The following ZNF503 variants were observed in gnomAD, a reference collection of about 807,000 sequenced individuals.
ZNF503 encodes the protein zinc finger protein 503.
Under a neutral mutation model 34.4 loss-of-function variants are expected in ZNF503, and 15 were observed. The ratio of observed to expected loss-of-function variants is 0.44; its 90% CI spans 0.29 to 0.67. The LOEUF (loss-of-function observed/expected upper bound fraction) is 0.67. ZNF503 is among the 30% of genes least tolerant of loss of function. ZNF503 has a pLI of 0.13. For missense variants in ZNF503, 1,007 were observed against 926.8 expected (o/e 1.09, Z -1.12); for synonymous variants, 580 against 456.8 (o/e 1.27, Z -3.44).
chr10:75,318,011 A>T, the ZNF503 span, among the ~76,000 whole-genome samples: 1 of 152,094 alleles, frequency 6.6e-6, no homozygotes, highest in Non-Finnish European at 1.5e-5. Flanking sequence ...ATACATACAT[A>T]CATACATACA....
chr10:75,354,771 A>G, the ZNF503 span, among the ~76,000 whole-genome samples: 1 of 152,324 alleles, frequency 6.6e-6, no homozygotes, highest in Non-Finnish European at 1.5e-5. Context: ...AGATCGCTGC[A>G]CAGAGAATGC....
the ZNF503 span, among the ~76,000 whole-genome samples, chr10:75,333,085 G>A: frequency 6.8e-6 from 1 of 146,616 alleles, no homozygotes; most frequent in African/African-American, 2.6e-5. Context: ...CCCAGACGGG[G>A]CGGCTGGCCG....
At chr10:75,387,596 C>T in the ZNF503 span, among the ~76,000 whole-genome samples, 5 of 152,188 alleles carry the variant, frequency 3.3e-5, no homozygotes, top group Non-Finnish European at 5.9e-5. Context: ...GCAGGTTTCA[C>T]ACTAGGCCTG....
chr10:75,327,318 C>A, the ZNF503 span, among the ~76,000 whole-genome samples: 1 of 151,756 alleles, frequency 6.6e-6, no homozygotes, highest in Admixed American at 6.6e-5. Context: ...GAAATCAACC[C>A]TTTTAGATTT....
chr10:75,346,579 A>G, the ZNF503 span, among the ~76,000 whole-genome samples: 4 of 151,178 alleles, frequency 2.6e-5, no homozygotes, highest in Non-Finnish European at 4.4e-5. Context: ...AGCTGAGACT[A>G]TAGGCATGTG....
the ZNF503 span, among the ~76,000 whole-genome samples, chr10:75,309,284 G>C: frequency 1.3e-5 from 2 of 152,206 alleles, no homozygotes; most frequent in African/African-American, 4.8e-5. Flanking sequence ...TCAGCAGCAG[G>C]TTTAGAGAGA....
chr10:75,303,805 G>A, the ZNF503 span, among the ~76,000 whole-genome samples: 151 of 150,898 alleles, frequency 1.0e-3, no homozygotes, highest in African/African-American at 3.5e-3. Context: ...GGATCCTTTC[G>A]CTATGCTGGA....
At chr10:75,340,365 C>T in the ZNF503 span, among the ~76,000 whole-genome samples, 1 of 152,210 alleles carries the variant, frequency 6.6e-6, no homozygotes, top group Non-Finnish European at 1.5e-5. Flanking sequence ...GTATCAAAGT[C>T]TTAAAAATGT....
chr10:75,367,062 A>G, the ZNF503 span, among the ~76,000 whole-genome samples: 1 of 152,338 alleles, frequency 6.6e-6, no homozygotes, highest in Non-Finnish European at 1.5e-5. Context: ...CTGAAGCAAG[A>G]TAATTGCAAA....
the ZNF503 span, among the ~76,000 whole-genome samples, chr10:75,368,528 A>C: frequency 6.6e-6 from 1 of 152,234 alleles, no homozygotes; most frequent in African/African-American, 2.4e-5. Context: ...CAAAGCAAAG[A>C]AGGAAAATAA....
the ZNF503 span, among the ~76,000 whole-genome samples, chr10:75,380,600 G>C: frequency 6.6e-6 from 1 of 152,202 alleles, no homozygotes; most frequent in African/African-American, 2.4e-5. Context: ...CTGAGGCCAG[G>C]TCTTGAGTGG....
At chr10:75,289,578 A>C in the ZNF503 span, among the ~76,000 whole-genome samples, 1 of 152,102 alleles carries the variant, frequency 6.6e-6, no homozygotes, top group African/African-American at 2.4e-5. Flanking sequence ...TACCATGGTA[A>C]CAATTATTAT....
chr10:75,319,660 A>G, the ZNF503 span, among the ~76,000 whole-genome samples: 3 of 152,264 alleles, frequency 2.0e-5, no homozygotes, highest in Non-Finnish European at 4.4e-5. Flanking sequence ...TACATTATAT[A>G]TAAATGGTCT....
rs111868526 is a variant in ZNF503, at chr10:75,398,150, A to AT, written c.*598dup. On this transcript the variant is annotated 3_prime_UTR_variant, in exon 2 of 2. Transcript: ENST00000372524. ...CTGACAAATTGTGACTTTTTTTTTC[A>AT]TTTTTTTTGTAACAAACATGCATGT... The AT allele has an allele frequency of 0.012, 1,805 of 150,884 alleles. 17 individuals are homozygous for AT. The highest frequency in any genetic ancestry group is 0.017 in the Non-Finnish European group (1,172 of 67,530). 9.3% of individuals were successfully genotyped at this position (150,884 alleles called of 1,614,324 possible). A position where few individuals can be genotyped will look rare whatever the true frequency, so the allele number is the denominator to read the frequency against.
chr10:75,384,541 G>C, the ZNF503 span, among the ~76,000 whole-genome samples: 15 of 152,008 alleles, frequency 9.9e-5, no homozygotes, highest in Non-Finnish European at 1.6e-4. Context: ...TTACATCAAG[G>C]CAAGTGCCAC....
In ZNF503 at chr10:75,399,723, G is replaced by GGCCGGA. The variant is rs758497746; in HGVS notation, c.961_966dup (p.Ser321_Gly322dup). The stretch of plus-strand genomic sequence containing the variant: ...ACTGAGGAGGAGGTGGGCGCGCTGG[G>GGCCGGA]GCCGGAGCCGGAGCTGGAGCCCGAT... On this transcript the variant is annotated inframe_insertion, in exon 2 of 2. Transcript: ENST00000372524. The GGCCGGA allele has an allele frequency of 3.1e-6, 5 of 1,596,554 alleles. No homozygotes were observed. Among genetic ancestry groups the GGCCGGA allele is most frequent in the Non-Finnish European group, 4.2e-6 (5 of 1,176,882 alleles).
downstream of ZNF503, among the ~76,000 whole-genome samples, chr10:75,396,200 T>G (rs1036331372): frequency 5.1e-4 from 78 of 151,930 alleles, no homozygotes; most frequent in African/African-American, 1.8e-3. The surrounding 1 kb of genome is among the most constrained non-coding windows in gnomAD (Gnocchi z 4.4). Flanking sequence ...CGGCCAGGAT[T>G]CTCAAGGAAC....
the ZNF503 span, among the ~76,000 whole-genome samples, chr10:75,388,702 G>T: frequency 6.6e-6 from 1 of 152,220 alleles, no homozygotes; most frequent in Non-Finnish European, 1.5e-5. Context: ...TTCCAGTGAG[G>T]TTGCACAAGT....
the ZNF503 span, among the ~76,000 whole-genome samples, chr10:75,381,940 G>A: frequency 1.4e-5 from 2 of 148,064 alleles, no homozygotes; most frequent in Non-Finnish European, 3.0e-5. Flanking sequence ...CCGAGTAGCT[G>A]AGACTACAGG....
Sources: allele counts gnomAD v4.1 joint callset (sites outside exome capture counted in the v4.1 genomes callset), GRCh38; gene constraint gnomAD v4.1.1; non-coding constraint Gnocchi (gnomAD v3.1); transcripts MANE v1.5; gene names NCBI Gene and HGNC (gene_info 2026-07-23, HGNC 2026-07-21).